Variants in MYCBP2 observed in about 807,000 individuals in gnomAD.
The protein encoded by MYCBP2 is MYC binding protein 2.
MYCBP2 carries 120 observed loss-of-function variants against 525.3 expected under a neutral mutation model. The observed-to-expected ratio is 0.23, with a 90% CI of 0.20 to 0.27. The LOEUF is 0.27. Among genes scored for constraint, MYCBP2 ranks in the 10% least tolerant of loss-of-function variants. MYCBP2 has a pLI of 1.00. For missense variants in MYCBP2, 4,149 were observed against 5,657.1 expected (o/e 0.73, Z 8.55); for synonymous variants, 1,894 against 1,955.8 (o/e 0.97, Z 0.83).
chr13:77,179,852 GGTGGTGGGCTT>G (rs2060049555), intron 34 of MYCBP2, among the ~76,000 whole-genome samples: 1 of 152,152 alleles, frequency 6.6e-6, no homozygotes, highest in Non-Finnish European at 1.5e-5. Flanking sequence ...CACGGGGCAT[GGTGGTGGGCTT>G]GTGCAATGGG....
At position 77,261,752 on chromosome 13, in the gene MYCBP2, G is replaced by T. The variant is rs185934278; in HGVS notation, c.1647+301C>A. Among the ~76,000 whole-genome samples the T allele has an allele frequency of 6.6e-5, 10 of 152,102 alleles. 1 individual carries two copies. Among genetic ancestry groups the T allele is most frequent in the Admixed American group, 2.0e-4 (3 of 15,266 alleles). Reference sequence around the variant, plus strand: ...AAAGTGTGACACAGAGACACAAAGTGAGCACAGGCGGTTAGAAAAATGATG... The same window carrying T: ...AAAGTGTGACACAGAGACACAAAGTTAGCACAGGCGGTTAGAAAAATGATG... On this transcript the variant is annotated intron_variant, in intron 11 of 82. Transcript: ENST00000544440.
At position 77,058,208 on chromosome 13, in the gene MYCBP2, C is replaced by T. The variant is rs1305357788; in HGVS notation, c.13329+10G>A. The T allele has an allele frequency of 1.2e-6, 2 of 1,610,974 alleles. No individual in the cohort carries two copies. Among genetic ancestry groups the T allele is most frequent in the African/African-American group, 2.7e-5 (2 of 74,728 alleles). ...CTGGATACATTCAATACTTTAAAAG[C>T]TGAGGCAACCTGAATGGCTGGTGCT... On this transcript the variant is annotated intron_variant, in intron 78 of 82. Transcript: ENST00000544440. The surrounding 1 kb of genome is among the most constrained non-coding windows in gnomAD (Gnocchi z 4.1).
Position 77,189,060 on chromosome 13 carries a change from G to A in MYCBP2, c.4155-13C>T, listed in dbSNP as rs765511380. The A allele has an allele frequency of 2.6e-6, 4 of 1,566,664 alleles. No individual in the cohort carries two copies. The South Asian group carries it at 4.7e-5, about 18-fold the overall frequency. Reference sequence around the variant, plus strand: ...ACTGGTTGGAAGTCTAAAGGCAGTAGACACATATAAAATTATGTTAGAAAG... The same window carrying A: ...ACTGGTTGGAAGTCTAAAGGCAGTAAACACATATAAAATTATGTTAGAAAG... On this transcript the variant is annotated splice_polypyrimidine_tract_variant and intron_variant, in intron 29 of 82. Coordinates refer to ENST00000544440, the MANE Select transcript of MYCBP2 (RefSeq NM_015057.5).
chr13:77,202,069 A>G (rs932913004), intron 26 of MYCBP2, among the ~76,000 whole-genome samples: 5 of 152,212 alleles, frequency 3.3e-5, no homozygotes, highest in African/African-American at 1.2e-4. Context: ...ATAGAGACAC[A>G]AAAAACCCTT....
chr13:77,213,555 ATTAG>A (rs2064345968), intron 21 of MYCBP2, among the ~76,000 whole-genome samples: 1 of 152,194 alleles, frequency 6.6e-6, no homozygotes, highest in African/African-American at 2.4e-5. Context: ...GGAAAAATAA[ATTAG>A]TTATCTTTTT....
intron 3 of MYCBP2, among the ~76,000 whole-genome samples, chr13:77,284,621 G>T (rs1594645268): frequency 6.6e-6 from 1 of 152,250 alleles, no homozygotes; most frequent in East Asian, 1.9e-4. Flanking sequence ...TGATTCTCTA[G>T]AAGTTTCATT....
At chr13:77,225,367 A>C in intron 19 of MYCBP2, 68 bp downstream of exon 19, 1 of 1,600,910 alleles carries the variant, frequency 6.2e-7, no homozygotes, top group Non-Finnish European at 8.5e-7. Flanking sequence ...TGTTCATCAA[A>C]TCTGAAGAAA....
At chr13:77,061,898 T>A in intron 74 of MYCBP2, 108 bp from the exon 75 acceptor site, 1 of 1,167,126 alleles carries the variant, frequency 8.6e-7, no homozygotes, top group Non-Finnish European at 1.1e-6. Context: ...CGGAAGTCTA[T>A]TAAGAATTTA....
At chr13:77,167,460 A>G (rs1017674156) in intron 40 of MYCBP2, among the ~76,000 whole-genome samples, 1 of 152,130 alleles carries the variant, frequency 6.6e-6, no homozygotes, top group African/African-American at 2.4e-5. Flanking sequence ...CAGTTTCTTC[A>G]ACAAATAGAA....
Position 77,171,610 on chromosome 13 carries a change from T to C in MYCBP2, c.5676A>G (p.Gln1892=). 1.2e-6 allele frequency: 2 copies of C among 1,614,114 alleles called. No homozygotes were observed. Among genetic ancestry groups the C allele is most frequent in the African/African-American group, 2.7e-5 (2 of 75,060 alleles). Residue 1892 remains glutamine, a synonymous_variant, in exon 38 of 83, where the codon CAA becomes CAG. Transcript: ENST00000544440. Reference sequence around the variant, plus strand: ...CATTGGCTTTACTCAGAAGTTGGGATTGTAAATCTCCATCAAATTCACTCC... The same window carrying C: ...CATTGGCTTTACTCAGAAGTTGGGACTGTAAATCTCCATCAAATTCACTCC... ...YYRSEFDGDL[Q]SQLLSKANEE...
intron 22 of MYCBP2, 21 bp from the exon 23 acceptor site, chr13:77,211,341 A>G (rs766173172): frequency 4.9e-6 from 6 of 1,213,222 alleles, no homozygotes; most frequent in Admixed American, 3.5e-5. Flanking sequence ...AAATATTTAT[A>G]TATAATTTTA....
intron 37 of MYCBP2, among the ~76,000 whole-genome samples, chr13:77,173,944 A>C (rs74405354): frequency 3.6e-4 from 55 of 152,322 alleles, no homozygotes; most frequent in African/African-American, 1.3e-3. Flanking sequence ...CAACACCACT[A>C]TCTGAGTACA....
intron 82 of MYCBP2, among the ~76,000 whole-genome samples, chr13:77,050,588 G>C (rs367656843): frequency 6.6e-6 from 1 of 151,012 alleles, no homozygotes; most frequent in Admixed American, 6.6e-5. Context: ...CTACACTACT[G>C]ATTCCCAGCC....
chr13:77,170,350 C>T (rs1439194319), intron 38 of MYCBP2, among the ~76,000 whole-genome samples: 1 of 152,168 alleles, frequency 6.6e-6, no homozygotes, highest in Non-Finnish European at 1.5e-5. Context: ...TGAGCCTATA[C>T]TGTGAAGACC....
intron 13 of MYCBP2, 23 bp downstream of exon 13, chr13:77,260,405 A>G (rs776342812): frequency 1.2e-5 from 18 of 1,523,086 alleles, no homozygotes; most frequent in Middle Eastern, 1.7e-4. Flanking sequence ...TTTGCATAAA[A>G]GTAAAACTTT....
intron 40 of MYCBP2, 63 bp from the exon 41 acceptor site, chr13:77,166,617 C>T: frequency 1.8e-6 from 2 of 1,088,732 alleles, no homozygotes; most frequent in South Asian, 1.5e-5. Flanking sequence ...TACACATCTG[C>T]ATCTGTATGT....
At chr13:77,156,278 C>A (rs2057206268) in intron 45 of MYCBP2, 76 bp from the exon 46 acceptor site, 2 of 1,366,332 alleles carry the variant, frequency 1.5e-6, no homozygotes, top group Non-Finnish European at 2.0e-6. Flanking sequence ...TAAAATTAAG[C>A]CAAATGAACA....
chr13:77,276,400 G>C (rs2075594325), intron 4 of MYCBP2, among the ~76,000 whole-genome samples: 1 of 151,826 alleles, frequency 6.6e-6, no homozygotes, highest in African/African-American at 2.4e-5. Context: ...AGGAGGAGAG[G>C]CAAGTTTCAA....
chr13:77,314,739 C>A (rs146923342), intron 1 of MYCBP2, among the ~76,000 whole-genome samples: 5 of 151,950 alleles, frequency 3.3e-5, no homozygotes, highest in African/African-American at 1.2e-4. Flanking sequence ...CAAGAGTGAA[C>A]CCTAATGTAA....
Sources: gnomAD v4.1 joint callset for allele counts (sites outside exome capture counted in the v4.1 genomes callset) on GRCh38, gnomAD v4.1.1 for gene constraint, Gnocchi (gnomAD v3.1) non-coding constraint, MANE v1.5 for transcripts, NCBI Gene and HGNC (gene_info 2026-07-23, HGNC 2026-07-21) for gene names.